The following STARD3NL variants were observed in gnomAD, a reference collection of about 807,000 sequenced individuals.
STARD3NL encodes the protein STARD3 N-terminal-like protein.
In STARD3NL, 17 loss-of-function variants were observed where a neutral mutation model predicts 30.9. That is an observed-to-expected ratio of 0.55 (90% CI 0.38 to 0.82). The LOEUF is 0.82. Among genes scored for constraint, STARD3NL ranks in the 40% least tolerant of loss-of-function variants. The probability of loss-of-function intolerance (pLI) is 0.00; values close to 1 mark genes in which losing one functional copy is unlikely to be tolerated. For missense variants in STARD3NL, 234 were observed against 277.6 expected (o/e 0.84, Z 1.12); for synonymous variants, 112 against 100.5 (o/e 1.11, Z -0.69).
At chr7:38,219,488 T>A in intron 6 of STARD3NL, 77 bp from the exon 7 acceptor site, 1 of 1,000,534 alleles carries the variant, frequency 1.0e-6, no homozygotes, top group Non-Finnish European at 1.5e-6. Flanking sequence ...ATAATACCAT[T>A]TTATTTTACT....
At chr7:38,185,982 T>C (rs577440829) in intron 1 of STARD3NL, among the ~76,000 whole-genome samples, 1 of 152,280 alleles carries the variant, frequency 6.6e-6, no homozygotes, top group South Asian at 2.1e-4. Context: ...TGTTTGAAAA[T>C]TGCTTGTAGT....
At chr7:38,206,627 G>GT (rs1785501403) in intron 1 of STARD3NL, among the ~76,000 whole-genome samples, 1 of 152,136 alleles carries the variant, frequency 6.6e-6, no homozygotes, top group South Asian at 2.1e-4. Context: ...TAAACTTTTT[G>GT]TTTAGTGTGT....
chr7:38,207,771 C>T (rs1171175276), intron 2 of STARD3NL, 42 bp downstream of exon 2: 1 of 1,564,914 alleles, frequency 6.4e-7, no homozygotes, highest in Non-Finnish European at 8.8e-7. Context: ...GAAGTGTTTC[C>T]AGAGACAACA....
intron 2 of STARD3NL, among the ~76,000 whole-genome samples, chr7:38,212,328 C>G (rs1484674756): frequency 2.0e-5 from 3 of 152,188 alleles, no homozygotes; most frequent in African/African-American, 7.2e-5. Context: ...TATCTTGGGA[C>G]CCTTCTACTA....
chr7:38,196,426 A>T (rs1386138905), intron 1 of STARD3NL, among the ~76,000 whole-genome samples: 1 of 151,906 alleles, frequency 6.6e-6, no homozygotes, highest in Admixed American at 6.6e-5. Context: ...ATCTACTGTG[A>T]TTCATTATGT....
At chr7:38,225,396 T>C (rs1256703977) in intron 7 of STARD3NL, among the ~76,000 whole-genome samples, 1 of 152,206 alleles carries the variant, frequency 6.6e-6, no homozygotes, top group African/African-American at 2.4e-5. Flanking sequence ...TGTGTTCATA[T>C]CTAAGAACTC....
rs369285371 is a variant in STARD3NL, at chr7:38,217,283, T to G, written c.531T>G (p.Pro177=). The change falls in exon 6 of 9, where the codon CCT becomes CCG. Residue 177 remains proline (P), a synonymous_variant. Coordinates refer to ENST00000009041, the MANE Select transcript of STARD3NL (RefSeq NM_032016.4). The part of the protein sequence containing the change: ...ETWFLDFKVL[P]QEAEEENRLL... ...GGTTCCTGGATTTCAAAGTGTTACCTCAAGAAGCAGAAGAAGAAAACAGTA... is the reference window on the plus strand; with the variant it reads ...GGTTCCTGGATTTCAAAGTGTTACCGCAAGAAGCAGAAGAAGAAAACAGTA... 6.2e-7 allele frequency: 1 copy of G among 1,613,972 alleles called. No homozygotes were observed. The highest frequency in any genetic ancestry group is 8.5e-7 in the Non-Finnish European group (1 of 1,179,950).
intron 1 of STARD3NL, among the ~76,000 whole-genome samples, chr7:38,204,468 T>C (rs1282674383): frequency 6.6e-6 from 1 of 152,210 alleles, no homozygotes; most frequent in African/African-American, 2.4e-5. Context: ...CCAGAATCTC[T>C]GGGACACATT....
In STARD3NL at chr7:38,211,171, A is replaced by G. The variant is rs114086512; in HGVS notation, c.226-3186A>G. On this transcript the variant is annotated intron_variant, in intron 2 of 8. Coordinates refer to ENST00000009041, the MANE Select transcript of STARD3NL (RefSeq NM_032016.4). ...TACATTTAAGTTTCAGGTACTTATT[A>G]CCCTGCTAATTCTGATTCTATTACC... 5.0e-3 allele frequency among the ~76,000 whole-genome samples: 754 copies of G among 152,312 alleles called. 7 individuals are homozygous for G. Among genetic ancestry groups the G allele is most frequent in the African/African-American group, 0.018 (734 of 41,574 alleles).
intron 1 of STARD3NL, among the ~76,000 whole-genome samples, chr7:38,179,697 GAC>G (rs1784169479): frequency 6.6e-6 from 1 of 152,194 alleles, no homozygotes; most frequent in Non-Finnish European, 1.5e-5. Context: ...AAATCAAAGA[GAC>G]AAGTTTAGAT....
At chr7:38,190,512 T>A (rs150592375) in intron 1 of STARD3NL, among the ~76,000 whole-genome samples, 157 of 152,358 alleles carry the variant, frequency 1.0e-3, no homozygotes, top group African/African-American at 3.7e-3. Flanking sequence ...CAGTGCCATC[T>A]CAAAACAGCC....
chr7:38,192,551 T>C lies in STARD3NL; in HGVS notation c.-59+14131T>C, dbSNP rs188822842. 3.7e-4 allele frequency among the ~76,000 whole-genome samples: 57 copies of C among 152,286 alleles called. 1 individual carries two copies. Among genetic ancestry groups the C allele is most frequent in the Admixed American group, 1.8e-3 (27 of 15,298 alleles). On this transcript the variant is annotated intron_variant, in intron 1 of 8. Coordinates refer to ENST00000009041, the MANE Select transcript of STARD3NL (RefSeq NM_032016.4). ...GAGGTTTGTGAGAACATAATGTCTT[T>C]AGGGAACTGCTTGTGATTTTTTACC...
intron 1 of STARD3NL, among the ~76,000 whole-genome samples, chr7:38,185,814 CCTT>C (rs146185233): frequency 0.013 from 1,913 of 152,240 alleles, 37 homozygotes; most frequent in African/African-American, 0.043. Context: ...GTGGTGAACA[CCTT>C]CTTTGGGATG....
In STARD3NL at chr7:38,207,730, G is replaced by A. The variant is rs758868404; in HGVS notation, c.225+1G>A. On this transcript the variant is annotated splice_donor_variant, in intron 2 of 8. Coordinates refer to ENST00000009041, the MANE Select transcript of STARD3NL (RefSeq NM_032016.4). LOFTEE classifies it high-confidence loss of function. ...ATTACTGTGGATAATAGAGTTAAATGTAAGTTGGTGGTTCTTTCATAACTT... is the reference window on the plus strand; with the variant it reads ...ATTACTGTGGATAATAGAGTTAAATATAAGTTGGTGGTTCTTTCATAACTT... 1.2e-6 allele frequency: 2 copies of A among 1,612,944 alleles called. No individual in the cohort carries two copies. Among genetic ancestry groups the A allele is most frequent in the Non-Finnish European group, 1.7e-6 (2 of 1,179,138 alleles).
At chr7:38,208,833 C>T (rs1245299218) in intron 2 of STARD3NL, among the ~76,000 whole-genome samples, 1 of 152,156 alleles carries the variant, frequency 6.6e-6, no homozygotes, top group Non-Finnish European at 1.5e-5. Context: ...TGCCTTTTAA[C>T]AGCAAGAAGC....
chr7:38,208,100 G>A (rs1196055752), intron 2 of STARD3NL, among the ~76,000 whole-genome samples: 1 of 152,152 alleles, frequency 6.6e-6, no homozygotes, highest in Non-Finnish European at 1.5e-5. Context: ...TTTGCACTGA[G>A]TAGTTGCAGT....
At chr7:38,226,211 G>C (rs1453632179) in intron 7 of STARD3NL, among the ~76,000 whole-genome samples, 1 of 134,166 alleles carries the variant, frequency 7.5e-6, no homozygotes, top group Non-Finnish European at 1.6e-5. Context: ...AGTAACTCTG[G>C]ATTCTGATTT....
At chr7:38,180,161 T>A (rs1214788918) in intron 1 of STARD3NL, among the ~76,000 whole-genome samples, 1 of 152,238 alleles carries the variant, frequency 6.6e-6, no homozygotes, top group Non-Finnish European at 1.5e-5. Context: ...TTCTGCTTTG[T>A]TTTGGTTATG....
intron 1 of STARD3NL, among the ~76,000 whole-genome samples, chr7:38,197,578 T>C (rs978574927): frequency 6.6e-6 from 1 of 152,318 alleles, no homozygotes; most frequent in East Asian, 1.9e-4. Flanking sequence ...CAGCCTCATG[T>C]AGGCAGACAT....
Sources: gnomAD v4.1 joint callset for allele counts (sites outside exome capture counted in the v4.1 genomes callset) on GRCh38, gnomAD v4.1.1 for gene constraint, MANE v1.5 for transcripts, NCBI Gene and HGNC (gene_info 2026-07-23, HGNC 2026-07-21) for gene names.